The following HHATL variants were observed in gnomAD, a reference collection of about 807,000 sequenced individuals.
HHATL encodes the protein protein-cysteine N-palmitoyltransferase HHAT-like protein.
HHATL carries 49 observed loss-of-function variants against 59.7 expected under a neutral mutation model. The observed-to-expected ratio is 0.82, with a 90% CI of 0.65 to 1.04. The LOEUF is 1.04. Among genes scored for constraint, HHATL ranks in the 50% least tolerant of loss-of-function variants. The pLI is 0.00. For missense variants in HHATL, 605 were observed against 650.8 expected (o/e 0.93, Z 0.77); for synonymous variants, 238 against 257.3 (o/e 0.93, Z 0.72).
At position 42,697,826 on chromosome 3, in the gene HHATL, A is replaced by G. The variant is rs968390029; in HGVS notation, c.694-147T>C. Reference sequence around the variant, plus strand: ...AGGGTGGAGACAGAGGTCACCCTGGAGTCTGAGGAGGATTCACAGCCAGCC... The same window carrying G: ...AGGGTGGAGACAGAGGTCACCCTGGGGTCTGAGGAGGATTCACAGCCAGCC... On this transcript the variant is annotated intron_variant, in intron 6 of 11. Coordinates refer to ENST00000441594, the MANE Select transcript of HHATL (RefSeq NM_020707.4). 7.0e-6 allele frequency: 6 copies of G among 858,252 alleles called. No individual in the cohort carries two copies. In the Admixed American group the frequency reaches 1.1e-4, roughly 16 times the overall value. 53.2% of individuals were successfully genotyped at this position (858,252 alleles called of 1,614,324 possible). A position where few individuals can be genotyped will look rare whatever the true frequency, so the allele number is the denominator to read the frequency against.
chr3:42,698,570 C>A lies in HHATL; in HGVS notation c.483+138G>T, dbSNP rs188477208. 2.6e-4 allele frequency: 288 copies of A among 1,111,720 alleles called. 1 individual carries two copies. Among genetic ancestry groups the A allele is most frequent in the Admixed American group, 3.4e-4 (14 of 41,008 alleles). The allele number at this position is 1,111,720 out of a possible 1,614,324, so 68.9% of individuals were successfully genotyped here. ...TGTGATGCAGGTGCTCACCTTGTGGCCAGGACATACCCAAAGGCTTGAAGA... is the reference window on the plus strand; with the variant it reads ...TGTGATGCAGGTGCTCACCTTGTGGACAGGACATACCCAAAGGCTTGAAGA... On this transcript the variant is annotated intron_variant, in intron 5 of 11. Transcript: ENST00000441594.
intron 11 of HHATL, 50 bp from the exon 12 acceptor site, chr3:42,692,925 G>A: frequency 6.3e-7 from 1 of 1,598,942 alleles, no homozygotes; most frequent in Non-Finnish European, 8.6e-7. Flanking sequence ...TGCATCCTCA[G>A]CGACTTTTGT....
intron 6 of HHATL, among the ~76,000 whole-genome samples, 175 bp downstream of exon 6, chr3:42,697,967 G>A (rs1234755001): frequency 6.6e-6 from 1 of 152,210 alleles, no homozygotes; most frequent in Non-Finnish European, 1.5e-5. Flanking sequence ...CCTGCTGGAG[G>A]GGAAAGGTGG....
chr3:42,701,941 C>T lies in HHATL; in HGVS notation c.-14+638G>A, dbSNP rs1308488006. Among the ~76,000 whole-genome samples, 1 of 152,218 alleles carries T rather than the reference C, an allele frequency of 6.6e-6. No individual in the cohort carries two copies. The highest frequency in any genetic ancestry group is 1.5e-5 in the Non-Finnish European group (1 of 68,044). Reference sequence around the variant, plus strand: ...CATCCCCAGCCCTGTAGCCATCTCCCCTGGGCCCCCCAGCAGCCGACGGTC... The same window carrying T: ...CATCCCCAGCCCTGTAGCCATCTCCTCTGGGCCCCCCAGCAGCCGACGGTC... On this transcript the variant is annotated intron_variant, in intron 1 of 11. Coordinates refer to ENST00000441594, the MANE Select transcript of HHATL (RefSeq NM_020707.4). This position sits in a 1 kb window ranked among gnomAD's most constrained non-coding sequence, Gnocchi z 5.1.
chr3:42,700,785 G>T lies in HHATL; in HGVS notation c.42C>A (p.Leu14=), dbSNP rs13086709. The change falls in exon 2 of 12, where the codon CTC becomes CTA. Residue 14 remains leucine (L), a synonymous_variant. Transcript: ENST00000441594. The part of the protein sequence containing the change: ...KTALPAAELG[L]YSLVLSGALA... ...GGGCCCCACTCAGCACCAGAGAGTA[G>T]AGGCCCAGCTCAGCCGCCGGCAATG... 1.2e-6 allele frequency: 2 copies of T among 1,613,934 alleles called. No homozygotes were observed. Among genetic ancestry groups the T allele is most frequent in the Middle Eastern group, 1.7e-4 (1 of 6,056 alleles).
intron 9 of HHATL, among the ~76,000 whole-genome samples, chr3:42,694,542 A>G (rs1028095171): frequency 2.0e-5 from 3 of 152,172 alleles, no homozygotes; most frequent in Non-Finnish European, 4.4e-5. Flanking sequence ...GCTCCCCATT[A>G]CAATAGGAAT....
In HHATL at chr3:42,693,775, G is replaced by A; in HGVS notation, c.1090C>T (p.Pro364Ser). The A allele has an allele frequency of 6.2e-7, 1 of 1,614,090 alleles. No homozygotes were observed. Among genetic ancestry groups the A allele is most frequent in the Non-Finnish European group, 8.5e-7 (1 of 1,180,012 alleles). Residue 364 changes from proline (P) to serine (S), a missense_variant, in exon 10 of 12, where the codon CCA (proline) becomes TCA (serine). Transcript: ENST00000441594. ...HIGGEHSAVI[P>S]ELAATVATFA... ...GTGGCCACTGTGGCTGCCAGCTCTG[G>A]GATCACAGCGGAATGCTCCCCACCA...
At chr3:42,699,863 A>T (rs1393747790) in intron 2 of HHATL, 38 bp from the exon 3 acceptor site, 2 of 1,514,754 alleles carry the variant, frequency 1.3e-6, no homozygotes, top group Non-Finnish European at 1.8e-6. Context: ...AGGGGCCTTC[A>T]CATCCCCTGC....
At chr3:42,699,883 C>G in intron 2 of HHATL, 58 bp from the exon 3 acceptor site, 1 of 1,443,858 alleles carries the variant, frequency 6.9e-7, no homozygotes, top group South Asian at 1.2e-5. Context: ...CCCCACCTTC[C>G]CCCGTGGACA....
Position 42,693,460 on chromosome 3 carries a change from G to C in HHATL, c.1248+157C>G, listed in dbSNP as rs1014219274. 13 of 775,534 alleles carry C rather than the reference G, an allele frequency of 1.7e-5. No homozygotes were observed. The Admixed American group carries it at 3.4e-4, about 20-fold the overall frequency. The allele number at this position is 775,534 out of a possible 1,614,324, so 48.0% of individuals were successfully genotyped here. A position where few individuals can be genotyped will look rare whatever the true frequency, so the allele number is the denominator to read the frequency against. ...TCCTCATAGAAGGGAGGGAGGGGCA[G>C]ATTCCTACAGAGTGAGCCATTGCTC... On this transcript the variant is annotated intron_variant, in intron 10 of 11. Transcript: ENST00000441594.
rs1697466281 is a variant in HHATL at position 42,693,778 on chromosome 3, T to A, written c.1087A>T (p.Ile363Phe). Residue 363 changes from isoleucine (I) to phenylalanine (F), a missense_variant, in exon 10 of 12, where the codon ATC (isoleucine) becomes TTC (phenylalanine). Coordinates refer to ENST00000441594, the MANE Select transcript of HHATL (RefSeq NM_020707.4). ...NHIGGEHSAV[I>F]PELAATVATF... ...GCCACTGTGGCTGCCAGCTCTGGGA[T>A]CACAGCGGAATGCTCCCCACCAATG... 2 of 1,614,102 alleles carry A rather than the reference T, an allele frequency of 1.2e-6. No homozygotes were observed. The highest frequency in any genetic ancestry group is 4.5e-5 in the East Asian group (2 of 44,876).
intron 9 of HHATL, among the ~76,000 whole-genome samples, chr3:42,696,559 C>A (rs780138917): frequency 1.3e-5 from 2 of 152,298 alleles, no homozygotes; most frequent in South Asian, 4.1e-4. Flanking sequence ...GCAATTTGAG[C>A]GTCATCTCCT....
intron 5 of HHATL, 46 bp from the exon 6 acceptor site, chr3:42,698,397 G>A: frequency 2.6e-6 from 4 of 1,563,152 alleles, no homozygotes; most frequent in Non-Finnish European, 3.5e-6. Flanking sequence ...GGTGCCTCCT[G>A]TCTCTGGAAA....
Position 42,698,304 on chromosome 3 carries a change from A to T in HHATL, c.531T>A (p.His177Gln), listed in dbSNP as rs1337193757. 1 of 1,613,910 alleles carries T rather than the reference A, an allele frequency of 6.2e-7. No individual in the cohort carries two copies. Among genetic ancestry groups the T allele is most frequent in the Admixed American group, 1.7e-5 (1 of 60,020 alleles). ...GCAGCACTGTGAAGCTGCTGCCCCC[A>T]TGAAACAGCACCTCTTGAAGATCAA... ...GTFDLQEVLFHGGSSFTVLRC... is the reference protein window; with the variant it reads ...GTFDLQEVLFQGGSSFTVLRC... Residue 177 changes from histidine to glutamine, a missense_variant, in exon 6 of 12, where the codon CAT becomes CAA. Transcript: ENST00000441594.
At chr3:42,699,690 A>G in intron 3 of HHATL, 68 bp downstream of exon 3, 1 of 1,359,360 alleles carries the variant, frequency 7.4e-7, no homozygotes. Context: ...TTACTTGCCA[A>G]CATCTGGAAC....
At chr3:42,702,071 G>A (rs1228324881) in intron 1 of HHATL, among the ~76,000 whole-genome samples, 2 of 152,196 alleles carry the variant, frequency 1.3e-5, no homozygotes, top group East Asian at 1.9e-4. Flanking sequence ...TCAGGATTGG[G>A]TTTCTCAGTG....
intron 6 of HHATL, 137 bp from the exon 7 acceptor site, chr3:42,697,816 G>A: frequency 1.1e-6 from 1 of 922,494 alleles, no homozygotes; most frequent in Non-Finnish European, 1.6e-6. Flanking sequence ...GGAGACAGAG[G>A]TCACCCTGGA....
intron 9 of HHATL, 72 bp downstream of exon 9, chr3:42,696,770 C>A: frequency 1.3e-6 from 2 of 1,522,256 alleles, no homozygotes; most frequent in Non-Finnish European, 1.8e-6. Context: ...AAAATGTGGA[C>A]CCATCTTGGC....
chr3:42,692,960 T>C (rs1697416407), intron 11 of HHATL, 85 bp from the exon 12 acceptor site: 1 of 1,581,688 alleles, frequency 6.3e-7, no homozygotes, highest in Non-Finnish European at 8.7e-7. Flanking sequence ...CCCCGCTTGA[T>C]GGGCCCTCCC....
Sources: gnomAD v4.1 joint callset for allele counts (sites outside exome capture counted in the v4.1 genomes callset) on GRCh38, gnomAD v4.1.1 for gene constraint, Gnocchi (gnomAD v3.1) non-coding constraint, MANE v1.5 for transcripts, NCBI Gene and HGNC (gene_info 2026-07-23, HGNC 2026-07-21) for gene names.